Variants in OPRD1 observed in about 807,000 individuals in gnomAD.
OPRD1 encodes opioid receptor delta 1.
Under a neutral mutation model 17.5 loss-of-function variants are expected in OPRD1, and 19 were observed. That is an observed-to-expected ratio of 1.09 (90% CI 0.76 to 1.60). The LOEUF (loss-of-function observed/expected upper bound fraction) is 1.60, where lower values mean the gene tolerates loss of function less well. Ranked by LOEUF, OPRD1 falls within the 40% of genes most tolerant of loss-of-function variation. The pLI is 0.00. For missense variants in OPRD1, 483 were observed against 547.2 expected (o/e 0.88, Z 1.17); for synonymous variants, 256 against 240.9 (o/e 1.06, Z -0.58).
At chr1:28,828,587 G>A (rs1442946770) in intron 1 of OPRD1, among the ~76,000 whole-genome samples, 2 of 150,542 alleles carry the variant, frequency 1.3e-5, no homozygotes, top group South Asian at 2.1e-4. Flanking sequence ...TTTGGAAGCC[G>A]AAGAGGGAGA....
rs1306770999 is a variant in OPRD1, at chr1:28,871,081, C to T, written c.*7798C>T. 2.0e-5 allele frequency: 3 copies of T among 152,150 alleles called. No individual in the cohort carries two copies. Among genetic ancestry groups the T allele is most frequent in the Non-Finnish European group, 4.4e-5 (3 of 68,032 alleles). The allele number at this position is 152,150 out of a possible 1,614,324, so 9.4% of individuals were successfully genotyped here. ...AATCTACTGGGCATTTGCCCAGAGA[C>T]AGGGAAAAGAATGCCTGGGGGTCTG... On this transcript the variant is annotated 3_prime_UTR_variant, in exon 3 of 3. Coordinates refer to ENST00000234961, the MANE Select transcript of OPRD1 (RefSeq NM_000911.4).
chr1:28,831,397 T>C (rs1343394146), intron 1 of OPRD1, among the ~76,000 whole-genome samples: 1 of 151,994 alleles, frequency 6.6e-6, no homozygotes, highest in Non-Finnish European at 1.5e-5. Context: ...TAGTTTCAGC[T>C]ACTCAGAAGG....
At chr1:28,842,018 C>A (rs768815301) in intron 1 of OPRD1, among the ~76,000 whole-genome samples, 1 of 151,124 alleles carries the variant, frequency 6.6e-6, no homozygotes, top group Non-Finnish European at 1.5e-5. Context: ...GTCATTGTGC[C>A]GGCCTTATTT....
chr1:28,844,393 C>T (rs1242421149), intron 1 of OPRD1, among the ~76,000 whole-genome samples: 2 of 152,054 alleles, frequency 1.3e-5, no homozygotes, highest in Admixed American at 6.6e-5. Context: ...AGGACTCAAG[C>T]GATTCTCCCA....
intron 1 of OPRD1, among the ~76,000 whole-genome samples, chr1:28,829,898 T>TG (rs1237068403): frequency 1.3e-5 from 2 of 151,324 alleles, no homozygotes; most frequent in African/African-American, 4.9e-5. Flanking sequence ...TTTGTAGAGA[T>TG]GGGGACTCAC....
chr1:28,817,402 C>T (rs114650780), intron 1 of OPRD1, among the ~76,000 whole-genome samples: 1,525 of 152,190 alleles, frequency 0.01, 8 homozygotes, highest in Middle Eastern at 0.017. Flanking sequence ...GTGGCAGGGT[C>T]GGGATAGGTG....
Position 28,853,433 on chromosome 1 carries a change from GA to G in OPRD1, c.228-5520del, listed in dbSNP as rs566700376. Among the ~76,000 whole-genome samples, 23 of 152,340 alleles carry G rather than the reference GA, an allele frequency of 1.5e-4. 1 individual carries two copies. In the South Asian group the frequency reaches 4.8e-3, roughly 32 times the overall value. On this transcript the variant is annotated intron_variant, in intron 1 of 2. Transcript: ENST00000234961. ...GAAACACTGAATGGACTCTGTGAGA[GA>G]GAAACCTTTCATTTGTTAAACCACT...
At chr1:28,823,889 C>A (rs72663883) in intron 1 of OPRD1, among the ~76,000 whole-genome samples, 2 of 150,188 alleles carry the variant, frequency 1.3e-5, no homozygotes, top group African/African-American at 4.9e-5. Flanking sequence ...CAAAAAAACC[C>A]CATTCAGGCC....
At chr1:28,841,799 C>T (rs927454536) in intron 1 of OPRD1, among the ~76,000 whole-genome samples, 4 of 150,518 alleles carry the variant, frequency 2.7e-5, no homozygotes, top group Non-Finnish European at 4.4e-5. Flanking sequence ...CTGCAGCCTC[C>T]GCCTCCCGGG....
rs1035238232 is a variant in OPRD1 at position 28,852,370 on chromosome 1, C to T, written c.228-6584C>T. ...GAACTAAGCAAGTGGAGAAAATTGG[C>T]GCAATTATTACCTCTGGGAAACTTA... On this transcript the variant is annotated intron_variant, in intron 1 of 2. Coordinates refer to ENST00000234961, the MANE Select transcript of OPRD1 (RefSeq NM_000911.4). 2.0e-5 allele frequency among the ~76,000 whole-genome samples: 3 copies of T among 152,068 alleles called. No homozygotes were observed. The South Asian group carries it at 6.2e-4, about 31-fold the overall frequency.
At chr1:28,849,318 C>T (rs959503721) in intron 1 of OPRD1, among the ~76,000 whole-genome samples, 5 of 152,050 alleles carry the variant, frequency 3.3e-5, no homozygotes, top group African/African-American at 1.2e-4. Flanking sequence ...TTCTGGCAGC[C>T]AGAGGTATGC....
At chr1:28,824,858 G>C (rs1262309963) in intron 1 of OPRD1, among the ~76,000 whole-genome samples, 4 of 149,616 alleles carry the variant, frequency 2.7e-5, no homozygotes, top group African/African-American at 9.9e-5. Flanking sequence ...TTGAGACGGA[G>C]TCTCGCTCTG....
chr1:28,816,507 C>A (rs1035181934), intron 1 of OPRD1, among the ~76,000 whole-genome samples: 1 of 152,200 alleles, frequency 6.6e-6, no homozygotes, highest in African/African-American at 2.4e-5. Flanking sequence ...AGGCCCCACA[C>A]TCTGTCCTCT....
intron 1 of OPRD1, among the ~76,000 whole-genome samples, chr1:28,833,651 C>T (rs1266637598): frequency 2.6e-5 from 4 of 152,236 alleles, no homozygotes; most frequent in East Asian, 1.9e-4. Context: ...ATAAAATAGC[C>T]GGGTACTATA....
intron 1 of OPRD1, among the ~76,000 whole-genome samples, chr1:28,850,400 C>T (rs999310095): frequency 5.3e-5 from 8 of 151,844 alleles, no homozygotes; most frequent in South Asian, 2.1e-4. Context: ...CTCAGCCCAC[C>T]GCAACCTCCA....
chr1:28,859,366 G>A, intron 2 of OPRD1, 63 bp downstream of exon 2: 1 of 1,442,302 alleles, frequency 6.9e-7, no homozygotes, highest in Non-Finnish European at 9.4e-7. Context: ...ATGGGCCTTT[G>A]TGGGCTTGCA....
intron 1 of OPRD1, among the ~76,000 whole-genome samples, chr1:28,831,463 C>T (rs1251206687): frequency 2.7e-5 from 4 of 150,532 alleles, no homozygotes; most frequent in Admixed American, 1.3e-4. Flanking sequence ...GAGCTGAGAT[C>T]GTGCCACTGC....
At chr1:28,862,033 T>C (rs1344386721) in intron 2 of OPRD1, among the ~76,000 whole-genome samples, 1 of 151,176 alleles carries the variant, frequency 6.6e-6, no homozygotes, top group Non-Finnish European at 1.5e-5. Context: ...TGCCTCAGCC[T>C]CCCGAGGAGC....
chr1:28,858,303 A>AG (rs546725012), intron 1 of OPRD1, among the ~76,000 whole-genome samples: 8 of 138,588 alleles, frequency 5.8e-5, no homozygotes, highest in African/African-American at 2.2e-4. Context: ...TTTAGTAGAG[A>AG]GGGGGTTTCA....
Sources: allele counts gnomAD v4.1 joint callset (sites outside exome capture counted in the v4.1 genomes callset), GRCh38; gene constraint gnomAD v4.1.1; transcripts MANE v1.5; gene names NCBI Gene and HGNC (gene_info 2026-07-23, HGNC 2026-07-21).